THBS4: variants seen among roughly 807,000 people sequenced by gnomAD.
THBS4 encodes thrombospondin 4.
THBS4 carries 90 observed loss-of-function variants against 115.7 expected under a neutral mutation model. That is an observed-to-expected ratio of 0.78 (90% CI 0.66 to 0.93). The LOEUF is 0.93. Ranked by LOEUF, THBS4 falls within the 40% of genes least tolerant of loss-of-function variation. The pLI is 0.00. For missense variants in THBS4, 1,087 were observed against 1,232.7 expected (o/e 0.88, Z 1.77); for synonymous variants, 460 against 479.3 (o/e 0.96, Z 0.53).
rs1834078154 is a variant in THBS4 at position 80,071,977 on chromosome 5, GA to G, written c.1721-300del. The G allele has an allele frequency of 7.2e-5, 23 of 320,606 alleles. 1 individual carries two copies. The South Asian group carries it at 9.1e-4, about 13-fold the overall frequency. 19.9% of individuals were successfully genotyped at this position (320,606 alleles called of 1,614,324 possible). Reference sequence around the variant, plus strand: ...TCTCAGTCATAGCTCAGATACCCACGAGATCCTCCCTCTCCAGGGTCAGCCA... The same window carrying G: ...TCTCAGTCATAGCTCAGATACCCACGGATCCTCCCTCTCCAGGGTCAGCCA... On this transcript the variant is annotated intron_variant, in intron 13 of 21. Transcript: ENST00000350881.
At chr5:80,042,126 A>C (rs1832921891) in intron 2 of THBS4, among the ~76,000 whole-genome samples, 1 of 152,150 alleles carries the variant, frequency 6.6e-6, no homozygotes, top group African/African-American at 2.4e-5. Flanking sequence ...GTCAGATAAT[A>C]AAGTGAGTCT....
chr5:80,034,846 C>G (rs902166599), upstream of THBS4, among the ~76,000 whole-genome samples: 2 of 152,154 alleles, frequency 1.3e-5, no homozygotes, highest in African/African-American at 2.4e-5. Context: ...AAAAGAAACT[C>G]GCTGCTCTCT....
At chr5:80,064,982 A>G (rs1186650600) in intron 8 of THBS4, among the ~76,000 whole-genome samples, 1 of 152,118 alleles carries the variant, frequency 6.6e-6, no homozygotes, top group Non-Finnish European at 1.5e-5. Context: ...TATTAACAAG[A>G]AAGTTCGATA....
At chr5:80,030,924 A>G (rs941945376), upstream of THBS4, among the ~76,000 whole-genome samples, 8 of 152,208 alleles carry the variant, frequency 5.3e-5, no homozygotes, top group African/African-American at 1.7e-4. Flanking sequence ...CAATTAACAC[A>G]TATGTATAAA....
At chr5:80,072,723 G>A (rs1473992384) in intron 14 of THBS4, 1 of 329,020 alleles carries the variant, frequency 3.0e-6, no homozygotes, top group African/African-American at 2.1e-5. Flanking sequence ...TGTCCCTTTA[G>A]TCCCTAAACC....
chr5:80,009,656 C>CAAA lies in THBS4; in HGVS notation n.177+11237_177+11239dup, dbSNP rs55638827. On this transcript the variant is annotated intron_variant and non_coding_transcript_variant, in intron 2 of 3. Transcript: ENST00000510218. ...AATCTACTTCCAATGAAGAAAAACT[C>CAAA]AAAAAAAAAACAGTGATTCAAACAA... Among the ~76,000 whole-genome samples, 456 of 148,644 alleles carry CAAA rather than the reference C, an allele frequency of 3.1e-3. 2 individuals are homozygous for CAAA. Among genetic ancestry groups the CAAA allele is most frequent in the African/African-American group, 6.8e-3 (275 of 40,598 alleles).
At chr5:80,042,452 T>C (rs978660759) in intron 2 of THBS4, among the ~76,000 whole-genome samples, 1 of 152,196 alleles carries the variant, frequency 6.6e-6, no homozygotes, top group Non-Finnish European at 1.5e-5. Context: ...GCTCCAAGCT[T>C]TTGCCCTCAC....
At chr5:80,019,896 A>G (rs550808594) in intron 2 of THBS4, 97 of 159,586 alleles carry the variant, frequency 6.1e-4, no homozygotes, top group Non-Finnish European at 1.1e-3. Context: ...ACAACAGACA[A>G]TAGGAATTCC....
chr5:80,070,422 G>A lies in THBS4; in HGVS notation c.1452+12G>A. 1 of 1,612,762 alleles carries A rather than the reference G, an allele frequency of 6.2e-7. No individual in the cohort carries two copies. Among genetic ancestry groups the A allele is most frequent in the Non-Finnish European group, 8.5e-7 (1 of 1,178,774 alleles). On this transcript the variant is annotated intron_variant, in intron 11 of 21. Coordinates refer to ENST00000350881, the MANE Select transcript of THBS4 (RefSeq NM_003248.6). Reference sequence around the variant, plus strand: ...GGAACTGTAAAAAGGTAAGGGGTGTGGGGTGGCAGTAGGCACACATGCACT... The same window carrying A: ...GGAACTGTAAAAAGGTAAGGGGTGTAGGGTGGCAGTAGGCACACATGCACT...
intron 2 of THBS4, among the ~76,000 whole-genome samples, chr5:80,001,478 A>C (rs1394439542): frequency 1.3e-5 from 2 of 152,232 alleles, no homozygotes; most frequent in African/African-American, 4.8e-5. Context: ...TACATGGAGG[A>C]GATAAACACA....
rs180724398 is a variant in THBS4, at chr5:79,999,522, G to A, written n.177+1095G>A. Among the ~76,000 whole-genome samples, 908 of 152,170 alleles carry A rather than the reference G, an allele frequency of 6.0e-3. 9 individuals carry two copies. Among genetic ancestry groups the A allele is most frequent in the African/African-American group, 0.021 (861 of 41,526 alleles). On this transcript the variant is annotated intron_variant and non_coding_transcript_variant, in intron 2 of 3. Coordinates refer to the THBS4 transcript ENST00000510218. ...AGTGTATAAAATGATCTTATTTTCA[G>A]AACTTAAGTCATTATGTGTATTGTT...
In THBS4 at chr5:80,058,398, T is replaced by C. The variant is rs151252800; in HGVS notation, c.649+84T>C. Reference sequence around the variant, plus strand: ...TAGGCTGGGTCCCATCACCGAAAAGTGGGACTGTCAACAGAGCAGCCCAAC... The same window carrying C: ...TAGGCTGGGTCCCATCACCGAAAAGCGGGACTGTCAACAGAGCAGCCCAAC... On this transcript the variant is annotated intron_variant, in intron 4 of 21. Transcript: ENST00000350881. The C allele has an allele frequency of 9.7e-4, 986 of 1,016,022 alleles. 8 individuals are homozygous for C. The highest frequency in any genetic ancestry group is 8.9e-3 in the African/African-American group (554 of 62,514). 62.9% of individuals were successfully genotyped at this position (1,016,022 alleles called of 1,614,324 possible).
chr5:80,036,146 T>A, intron 1 of THBS4: 1 of 985,578 alleles, frequency 1.0e-6, no homozygotes, highest in Non-Finnish European at 1.2e-6. Context: ...AAAGTTTATT[T>A]CAAGGATTGG....
intron 15 of THBS4, among the ~76,000 whole-genome samples, chr5:80,076,617 T>C (rs976034995): frequency 2.6e-5 from 4 of 152,150 alleles, no homozygotes; most frequent in African/African-American, 9.7e-5. Context: ...ATCATAGAAA[T>C]AGACCCTTAT....
chr5:80,053,029 A>T (rs1833302141), intron 2 of THBS4: 1 of 152,214 alleles, frequency 6.6e-6, no homozygotes, highest in Admixed American at 6.5e-5. Flanking sequence ...TGTTTCTTGT[A>T]GAAAAGTTAA....
rs1225023992 is a variant in THBS4 at position 80,059,355 on chromosome 5, T to C, written c.733-85T>C. 4 of 1,239,740 alleles carry C rather than the reference T, an allele frequency of 3.2e-6. No homozygotes were observed. In the African/African-American group the frequency reaches 6.0e-5, roughly 19 times the overall value. 76.8% of individuals were successfully genotyped at this position (1,239,740 alleles called of 1,614,324 possible). On this transcript the variant is annotated intron_variant, in intron 5 of 21. Transcript: ENST00000350881. ...AAAAAAAAAAAAAAAAAGTGTTACA[T>C]AGATAGCTCCACATGGATTCTTTCA...
chr5:80,011,319 A>G (rs1377741921), intron 2 of THBS4, among the ~76,000 whole-genome samples: 1 of 152,104 alleles, frequency 6.6e-6, no homozygotes, highest in Non-Finnish European at 1.5e-5. Context: ...ATGAGAACAG[A>G]CTAATACAAG....
At chr5:80,034,422 T>C (rs1254260185), upstream of THBS4, among the ~76,000 whole-genome samples, 1 of 152,250 alleles carries the variant, frequency 6.6e-6, no homozygotes, top group Non-Finnish European at 1.5e-5. Flanking sequence ...CTTTGCTGGA[T>C]GTTCTCCATT....
In THBS4 at chr5:80,083,262, A is replaced by G. The variant is rs1204430374; in HGVS notation, c.*121A>G. The G allele has an allele frequency of 6.9e-6, 6 of 868,772 alleles. No individual in the cohort carries two copies. The highest frequency in any genetic ancestry group is 1.1e-5 in the Non-Finnish European group (6 of 531,092). The allele number at this position is 868,772 out of a possible 1,614,324, so 53.8% of individuals were successfully genotyped here. A position where few individuals can be genotyped will look rare whatever the true frequency, so the allele number is the denominator to read the frequency against. ...AAACGTTTTATGTGAATGTGGCAAT[A>G]AAGGAGAAGAGATCATTTTTAAAAA... On this transcript the variant is annotated 3_prime_UTR_variant, in exon 22 of 22. Coordinates refer to ENST00000350881, the MANE Select transcript of THBS4 (RefSeq NM_003248.6).
Sources: allele counts gnomAD v4.1 joint callset (sites outside exome capture counted in the v4.1 genomes callset), GRCh38; gene constraint gnomAD v4.1.1; transcripts MANE v1.5; gene names NCBI Gene and HGNC (gene_info 2026-07-23, HGNC 2026-07-21).